The following GALNT13 variants were observed in gnomAD, a reference collection of about 807,000 sequenced individuals.
GALNT13 encodes polypeptide N-acetylgalactosaminyltransferase 13.
A neutral mutation model predicts 64.2 loss-of-function variants in GALNT13; 28 were observed. The observed-to-expected ratio is 0.44, with a 90% confidence interval of 0.32 to 0.60. The LOEUF (loss-of-function observed/expected upper bound fraction) is 0.60, where lower values mean the gene tolerates loss of function less well. Ranked by LOEUF, GALNT13 falls within the 20% of genes least tolerant of loss-of-function variation. The pLI is 0.05. For missense variants in GALNT13, 577 were observed against 669.8 expected (o/e 0.86, Z 1.53); for synonymous variants, 214 against 224.6 (o/e 0.95, Z 0.42).
At chr2:154,231,365 C>G (rs922880353) in intron 4 of GALNT13, among the ~76,000 whole-genome samples, 1 of 152,034 alleles carries the variant, frequency 6.6e-6, no homozygotes, top group African/African-American at 2.4e-5. Flanking sequence ...GATTTAAAGA[C>G]ATGGGGGCCT....
chr2:154,273,301 A>C (rs1691454685), intron 8 of GALNT13, among the ~76,000 whole-genome samples: 2 of 152,168 alleles, frequency 1.3e-5, no homozygotes. Flanking sequence ...CTATCTATGC[A>C]AGGATTTGCA....
chr2:153,367,996 C>T, the GALNT13 span, among the ~76,000 whole-genome samples: 1 of 151,754 alleles, frequency 6.6e-6, no homozygotes, highest in Non-Finnish European at 1.5e-5. Context: ...CTAAACACAC[C>T]AGTTAAAGCG....
the GALNT13 span, among the ~76,000 whole-genome samples, chr2:153,442,781 C>A: frequency 3.3e-5 from 5 of 152,228 alleles, no homozygotes; most frequent in Admixed American, 6.5e-5. Context: ...CTGACTACAG[C>A]GGTTTTGCTG....
the GALNT13 span, among the ~76,000 whole-genome samples, chr2:153,576,384 C>G: frequency 7.2e-5 from 11 of 152,176 alleles, no homozygotes; most frequent in African/African-American, 2.7e-4. Flanking sequence ...AGACCCAGAG[C>G]ACTTTGGTCC....
At chr2:153,758,650 T>C in the GALNT13 span, among the ~76,000 whole-genome samples, 8 of 152,144 alleles carry the variant, frequency 5.3e-5, no homozygotes, top group Non-Finnish European at 1.0e-4. Flanking sequence ...TGGAGTGCAA[T>C]GGCATGATCT....
chr2:154,248,123 A>G (rs1409775470), intron 7 of GALNT13, among the ~76,000 whole-genome samples: 2 of 152,146 alleles, frequency 1.3e-5, no homozygotes, highest in Non-Finnish European at 2.9e-5. Context: ...GGAATGCTTC[A>G]TTTAAAATGT....
At chr2:154,442,368 G>A (rs799822) in intron 12 of GALNT13, among the ~76,000 whole-genome samples, 13,929 of 152,088 alleles carry the variant, frequency 0.092, 733 homozygotes, top group South Asian at 0.17. Flanking sequence ...TTGATTTCAA[G>A]TGTAGTTTCT....
chr2:153,644,067 A>T, the GALNT13 span, among the ~76,000 whole-genome samples: 2 of 151,972 alleles, frequency 1.3e-5, no homozygotes, highest in Non-Finnish European at 2.9e-5. Context: ...AGTATGGTAA[A>T]ATAAGAAAAG....
the GALNT13 span, among the ~76,000 whole-genome samples, chr2:153,412,904 G>A: frequency 6.6e-6 from 1 of 152,128 alleles, no homozygotes; most frequent in Non-Finnish European, 1.5e-5. Context: ...AACAGTCAGG[G>A]CCTAAGCAGA....
intron 3 of GALNT13, among the ~76,000 whole-genome samples, chr2:154,051,974 G>A (rs1224290428): frequency 7.2e-5 from 11 of 151,978 alleles, no homozygotes; most frequent in Admixed American, 7.2e-4. Context: ...AACATAGGGT[G>A]CAAGAAAAAG....
the GALNT13 span, among the ~76,000 whole-genome samples, chr2:153,506,878 G>A: frequency 1.8e-4 from 28 of 152,312 alleles, no homozygotes; most frequent in East Asian, 5.4e-3. Context: ...GTATTTGGAT[G>A]TCTAGATCAC....
rs776480396 is a variant in GALNT13, at chr2:154,362,863, C to T, written c.1157-33128C>T. On this transcript the variant is annotated intron_variant, in intron 9 of 12. Coordinates refer to ENST00000392825, the MANE Select transcript of GALNT13 (RefSeq NM_052917.4). ...GGATACTATATGGCTCAATAATTAGCGTAGGTCAACCTTTCAAACCCTTTA... is the reference window on the plus strand; with the variant it reads ...GGATACTATATGGCTCAATAATTAGTGTAGGTCAACCTTTCAAACCCTTTA... Among the ~76,000 whole-genome samples the T allele has an allele frequency of 6.6e-5, 10 of 152,236 alleles. No homozygotes were observed. In the Middle Eastern group the frequency reaches 0.02, roughly 311 times the overall value.
chr2:153,284,831 A>T, the GALNT13 span, among the ~76,000 whole-genome samples: 1 of 152,092 alleles, frequency 6.6e-6, no homozygotes, highest in African/African-American at 2.4e-5. Context: ...TCTATTTCCA[A>T]GTAGCTGAGG....
At chr2:153,771,022 T>C in the GALNT13 span, among the ~76,000 whole-genome samples, 2 of 152,298 alleles carry the variant, frequency 1.3e-5, no homozygotes, top group Admixed American at 1.3e-4. Flanking sequence ...TGGAGATATG[T>C]CTGGGTGTCA....
chr2:153,148,012 C>T, the GALNT13 span, among the ~76,000 whole-genome samples: 31 of 151,884 alleles, frequency 2.0e-4, no homozygotes, highest in Admixed American at 1.2e-3. Flanking sequence ...AGAACTACAT[C>T]TAGTGGATAG....
the GALNT13 span, among the ~76,000 whole-genome samples, chr2:153,427,347 T>C: frequency 1.3e-5 from 2 of 151,504 alleles, no homozygotes; most frequent in African/African-American, 4.8e-5. Flanking sequence ...TGGGTTGGAG[T>C]GGTGAGAAAA....
chr2:153,128,017 T>C, the GALNT13 span, among the ~76,000 whole-genome samples: 2 of 152,170 alleles, frequency 1.3e-5, no homozygotes, highest in Non-Finnish European at 2.9e-5. Flanking sequence ...AAACTTTTTG[T>C]AGACACAAAA....
the GALNT13 span, among the ~76,000 whole-genome samples, chr2:153,720,246 G>C: frequency 6.9e-6 from 1 of 145,476 alleles, no homozygotes; most frequent in Non-Finnish European, 1.5e-5. Flanking sequence ...CTGAAGCTGA[G>C]GGTCCTGTCT....
At chr2:154,140,928 CCTA>C (rs1360179891) in intron 4 of GALNT13, among the ~76,000 whole-genome samples, 2 of 152,046 alleles carry the variant, frequency 1.3e-5, no homozygotes, top group Non-Finnish European at 2.9e-5. Flanking sequence ...CTTACACAAA[CCTA>C]TATGGTATAG....
Sources: gnomAD v4.1 joint callset for allele counts (sites outside exome capture counted in the v4.1 genomes callset) on GRCh38, gnomAD v4.1.1 for gene constraint, MANE v1.5 for transcripts, NCBI Gene and HGNC (gene_info 2026-07-23, HGNC 2026-07-21) for gene names.